ATXN7L1: variants seen among roughly 807,000 people sequenced by gnomAD.
ATXN7L1 encodes the protein ataxin-7-like protein 1.
A neutral mutation model predicts 70.8 loss-of-function variants in ATXN7L1; 15 were observed. The observed-to-expected ratio is 0.21, with a 90% CI of 0.14 to 0.33. The LOEUF is 0.33. ATXN7L1 is among the 10% of genes least tolerant of loss of function. ATXN7L1 has a pLI of 1.00. For missense variants in ATXN7L1, 975 were observed against 1,097.1 expected, an observed-to-expected ratio of 0.89 and a Z score of 1.57; for synonymous variants, 440 against 445.1, an observed-to-expected ratio of 0.99 and a Z score of 0.14.
intron 4 of ATXN7L1, among the ~76,000 whole-genome samples, chr7:105,649,247 C>G (rs935197420): frequency 6.6e-6 from 1 of 152,200 alleles, no homozygotes; most frequent in African/African-American, 2.4e-5. Flanking sequence ...TGAACTCTTT[C>G]AGAGAGCTCA....
At chr7:105,780,076 G>A (rs1348406836) in intron 3 of ATXN7L1, among the ~76,000 whole-genome samples, 1 of 152,238 alleles carries the variant, frequency 6.6e-6, no homozygotes, top group African/African-American at 2.4e-5. Context: ...AGCCCAGGGG[G>A]CACTGACATC....
intron 7 of ATXN7L1, among the ~76,000 whole-genome samples, chr7:105,625,677 A>G (rs1037283488): frequency 1.3e-5 from 2 of 152,188 alleles, no homozygotes; most frequent in African/African-American, 4.8e-5. Flanking sequence ...ACAACCCAAC[A>G]CATGTCATCT....
At chr7:105,638,205 A>G (rs1334444794) in intron 7 of ATXN7L1, 148 bp downstream of exon 7, 2 of 1,152,976 alleles carry the variant, frequency 1.7e-6, no homozygotes, top group African/African-American at 1.6e-5. Context: ...TCTTATGTAC[A>G]TTATCTCATT....
At chr7:105,740,350 C>T (rs1169662045) in intron 3 of ATXN7L1, among the ~76,000 whole-genome samples, 6 of 152,194 alleles carry the variant, frequency 3.9e-5, no homozygotes, top group African/African-American at 1.4e-4. Flanking sequence ...GCTCAAGACT[C>T]CAGGCTGAGG....
At chr7:105,757,298 A>C (rs1393820540) in intron 3 of ATXN7L1, among the ~76,000 whole-genome samples, 1 of 152,284 alleles carries the variant, frequency 6.6e-6, no homozygotes, top group African/African-American at 2.4e-5. Flanking sequence ...AGATAATCAC[A>C]AGAAGGATGG....
chr7:105,794,114 T>C (rs1805658179), intron 2 of ATXN7L1, among the ~76,000 whole-genome samples: 1 of 152,196 alleles, frequency 6.6e-6, no homozygotes, highest in Non-Finnish European at 1.5e-5. Context: ...ATTTAAAAAA[T>C]GCTCATTCAG....
chr7:105,717,122 T>C (rs909884939), intron 3 of ATXN7L1, among the ~76,000 whole-genome samples: 2 of 152,158 alleles, frequency 1.3e-5, no homozygotes, highest in African/African-American at 4.8e-5. Context: ...CATTTTTTCA[T>C]GTTATAAATT....
At chr7:105,622,769 T>C (rs1795121587) in intron 8 of ATXN7L1, among the ~76,000 whole-genome samples, 1 of 152,232 alleles carries the variant, frequency 6.6e-6, no homozygotes. Context: ...AGGAAGATTT[T>C]CTTTCCTAAC....
intron 3 of ATXN7L1, among the ~76,000 whole-genome samples, chr7:105,749,467 C>A (rs1248079143): frequency 6.6e-6 from 1 of 151,564 alleles, no homozygotes; most frequent in African/African-American, 2.4e-5. Context: ...GAGATAGGGG[C>A]AGGATGTACA....
chr7:105,795,018 C>T (rs1056315748), intron 2 of ATXN7L1, among the ~76,000 whole-genome samples: 3 of 152,200 alleles, frequency 2.0e-5, no homozygotes, highest in African/African-American at 7.2e-5. Context: ...CTTGGTCTGG[C>T]ACTCAGCCTG....
chr7:105,854,751 G>C (rs1815462623), intron 2 of ATXN7L1, among the ~76,000 whole-genome samples: 1 of 152,046 alleles, frequency 6.6e-6, no homozygotes, highest in African/African-American at 2.4e-5. Context: ...CTTTGCAGTT[G>C]TAAGCTGGGG....
chr7:105,619,867 T>C (rs1003193638), intron 9 of ATXN7L1, among the ~76,000 whole-genome samples: 3 of 152,016 alleles, frequency 2.0e-5, no homozygotes. Flanking sequence ...AGAAGCATGT[T>C]CTTAACATCC....
chr7:105,812,486 T>C (rs1008134474), intron 2 of ATXN7L1, among the ~76,000 whole-genome samples: 3 of 152,216 alleles, frequency 2.0e-5, no homozygotes, highest in Non-Finnish European at 4.4e-5. Context: ...TAAACTAGTT[T>C]TCAGGCTTAG....
intron 3 of ATXN7L1, chr7:105,761,584 G>T: frequency 7.6e-7 from 1 of 1,314,206 alleles, no homozygotes; most frequent in Admixed American, 2.3e-5. Context: ...ATTAAACACT[G>T]GTTGCTTAAA....
chr7:105,733,565 TCCTTC>T (rs1796883392), intron 3 of ATXN7L1, among the ~76,000 whole-genome samples: 1 of 10,976 alleles, frequency 9.1e-5, no homozygotes. Flanking sequence ...CACCCATCCA[TCCTTC>T]CATCCATCCA....
At chr7:105,646,907 G>A (rs971673661) in intron 4 of ATXN7L1, among the ~76,000 whole-genome samples, 2 of 151,902 alleles carry the variant, frequency 1.3e-5, no homozygotes, top group Non-Finnish European at 2.9e-5. Flanking sequence ...TTGTGCCACT[G>A]TACTCCAGCT....
At chr7:105,707,293 G>GGC (rs1339660237) in intron 3 of ATXN7L1, among the ~76,000 whole-genome samples, 1 of 152,228 alleles carries the variant, frequency 6.6e-6, no homozygotes, top group African/African-American at 2.4e-5. Flanking sequence ...GTTGGACCAA[G>GGC]GCTTGTTTGT....
At chr7:105,617,565 T>C (rs1163205985) in intron 9 of ATXN7L1, among the ~76,000 whole-genome samples, 1 of 152,128 alleles carries the variant, frequency 6.6e-6, no homozygotes, top group Non-Finnish European at 1.5e-5. Context: ...GTGAGGGGCA[T>C]GTGGCAGCTC....
At chr7:105,729,600 T>C (rs372280943) in intron 3 of ATXN7L1, among the ~76,000 whole-genome samples, 1 of 151,888 alleles carries the variant, frequency 6.6e-6, no homozygotes, top group South Asian at 2.1e-4. Context: ...CATCTAATTT[T>C]TATATTTTTA....
Sources: gnomAD v4.1 joint callset for allele counts (sites outside exome capture counted in the v4.1 genomes callset) on GRCh38, gnomAD v4.1.1 for gene constraint, MANE v1.5 for transcripts, NCBI Gene and HGNC (gene_info 2026-07-23, HGNC 2026-07-21) for gene names.